Variants in ASB11 observed in about 807,000 individuals in gnomAD.
ASB11 encodes ankyrin repeat and SOCS box containing 11.
ASB11 carries 17 observed loss-of-function variants against 20.1 expected under a neutral mutation model. That is an observed-to-expected ratio of 0.85 (90% CI 0.58 to 1.27). The LOEUF (loss-of-function observed/expected upper bound fraction) is 1.27. Ranked by LOEUF, ASB11 falls within the 50% of genes most tolerant of loss-of-function variation. The probability of loss-of-function intolerance (pLI) is 0.00; values close to 1 mark genes in which losing one functional copy is unlikely to be tolerated. For synonymous variants in ASB11, 107 were observed against 105.6 expected (o/e 1.01, Z -0.08); for missense variants, 259 against 256.9 (o/e 1.01, Z -0.06).
chrX:15,302,156 A>G (rs1921087470), intron 2 of ASB11, among the ~76,000 whole-genome samples: 1 of 111,490 alleles, frequency 9.0e-6, no homozygotes, highest in African/African-American at 3.3e-5. Flanking sequence ...CAAGGAATTG[A>G]GGTTTCCCAA....
intron 4 of ASB11, 126 bp downstream of exon 4, chrX:15,293,044 G>T: frequency 1.1e-6 from 1 of 891,452 alleles, no homozygotes; most frequent in Non-Finnish European, 1.5e-6. Context: ...GGGATTTCTA[G>T]GCCACACATA....
chrX:15,312,974 G>A (rs1921485417), intron 1 of ASB11, among the ~76,000 whole-genome samples: 2 of 111,970 alleles, frequency 1.8e-5, no homozygotes, highest in Admixed American at 9.5e-5. Flanking sequence ...TATTTTTTAA[G>A]TATTTTGTGG....
chrX:15,296,017 G>A (rs773121309), intron 3 of ASB11, among the ~76,000 whole-genome samples: 2 of 112,266 alleles, frequency 1.8e-5, no homozygotes, highest in Admixed American at 9.4e-5. Context: ...CAAGGCGGGC[G>A]GATCACCTGA....
At chrX:15,284,080 G>C (rs34551144) in intron 6 of ASB11, among the ~76,000 whole-genome samples, 4 of 104,280 alleles carry the variant, frequency 3.8e-5, no homozygotes, top group Non-Finnish European at 5.8e-5. Context: ...GTGAAACCCC[G>C]TGTCCACTAA....
chrX:15,305,593 A>AGATT (rs1555941490), intron 1 of ASB11, among the ~76,000 whole-genome samples: 1 of 86,651 alleles, frequency 1.2e-5, no homozygotes, highest in Non-Finnish European at 2.3e-5. Context: ...AAGAAAAAAA[A>AGATT]AGATTAGATA....
Position 15,283,635 on chromosome X carries a change from A to T in ASB11, c.848-6T>A. 1 of 1,206,254 alleles carries T rather than the reference A, an allele frequency of 8.3e-7. No individual in the cohort carries two copies. The highest frequency in any genetic ancestry group is 1.1e-6 in the Non-Finnish European group (1 of 891,968). On this transcript the variant is annotated splice_region_variant and splice_polypyrimidine_tract_variant and intron_variant, in intron 6 of 6. Coordinates refer to ENST00000480796, the MANE Select transcript of ASB11 (RefSeq NM_080873.3). Reference sequence around the variant, plus strand: ...CTGGGAAAGAGCAGGTGGGCCTGAGAGAGAAATAAAAATGGTGTTAACTTC... The same window carrying T: ...CTGGGAAAGAGCAGGTGGGCCTGAGTGAGAAATAAAAATGGTGTTAACTTC...
chrX:15,293,045 G>A, intron 4 of ASB11, 125 bp downstream of exon 4: 1 of 894,478 alleles, frequency 1.1e-6, no homozygotes, highest in Non-Finnish European at 1.5e-6. Flanking sequence ...GGATTTCTAG[G>A]CCACACATAT....
intron 3 of ASB11, among the ~76,000 whole-genome samples, chrX:15,293,693 T>G (rs926953992): frequency 4.5e-5 from 5 of 111,834 alleles, no homozygotes; most frequent in African/African-American, 1.6e-4. Context: ...ACTGTCTTTC[T>G]TGCCACAACT....
intron 1 of ASB11, among the ~76,000 whole-genome samples, chrX:15,309,198 T>G (rs1411138395): frequency 9.0e-6 from 1 of 111,239 alleles, no homozygotes; most frequent in African/African-American, 3.3e-5. Context: ...ATTACAGGCA[T>G]GAGCCACTGT....
intron 3 of ASB11, among the ~76,000 whole-genome samples, chrX:15,295,159 T>C (rs766079138): frequency 1.9e-4 from 21 of 111,090 alleles, no homozygotes; most frequent in African/African-American, 6.6e-4. Flanking sequence ...TCTGCTGCCT[T>C]AGGCTCCCAA....
intron 1 of ASB11, among the ~76,000 whole-genome samples, chrX:15,312,820 C>G (rs183836445): frequency 1.1e-5 from 1 of 91,302 alleles, no homozygotes; most frequent in Non-Finnish European, 2.2e-5. Flanking sequence ...AAATTTTGTT[C>G]TTGATTTTTA....
chrX:15,300,879 G>A (rs2147697123), intron 2 of ASB11, among the ~76,000 whole-genome samples: 1 of 112,005 alleles, frequency 8.9e-6, no homozygotes, highest in East Asian at 2.8e-4. Flanking sequence ...TGAGGTGGGA[G>A]ACTGAGAGAG....
At chrX:15,284,074 A>C (rs1227503953) in intron 6 of ASB11, among the ~76,000 whole-genome samples, 1 of 106,027 alleles carries the variant, frequency 9.4e-6, no homozygotes, top group Non-Finnish European at 1.9e-5. Flanking sequence ...AACACGGTGA[A>C]ACCCCGTGTC....
intron 1 of ASB11, among the ~76,000 whole-genome samples, chrX:15,306,682 G>A (rs1480832980): frequency 9.1e-6 from 1 of 110,389 alleles, no homozygotes; most frequent in Non-Finnish European, 1.9e-5. Flanking sequence ...CAGCTTGGGT[G>A]ACACAGTGAC....
At chrX:15,314,352 T>C in intron 1 of ASB11, 1 of 1,075,633 alleles carries the variant, frequency 9.3e-7, no homozygotes, top group South Asian at 2.9e-5. Context: ...TTTTTGTAAC[T>C]AGTCAAAGTA....
At chrX:15,314,749 T>C (rs751361645) in intron 1 of ASB11, among the ~76,000 whole-genome samples, 2 of 110,080 alleles carry the variant, frequency 1.8e-5, no homozygotes, top group African/African-American at 6.6e-5. Context: ...CAGGGATATC[T>C]GACTCATTTA....
chrX:15,301,202 A>G (rs1442174514), intron 2 of ASB11, among the ~76,000 whole-genome samples: 1 of 110,510 alleles, frequency 9.0e-6, no homozygotes, highest in Non-Finnish European at 1.9e-5. Flanking sequence ...ACCTCAGGTG[A>G]TCCACCCACC....
chrX:15,303,560 A>C (rs1294311845), intron 1 of ASB11, among the ~76,000 whole-genome samples: 2 of 111,355 alleles, frequency 1.8e-5, no homozygotes, highest in Admixed American at 1.9e-4. Context: ...TTTTTCAGAC[A>C]ATTTAATCTC....
intron 6 of ASB11, among the ~76,000 whole-genome samples, chrX:15,284,033 A>G (rs1363822776): frequency 2.8e-5 from 3 of 109,052 alleles, no homozygotes; most frequent in African/African-American, 1.0e-4. Flanking sequence ...TGGGCGGATC[A>G]CGAGGTCAGG....
Sources: allele counts gnomAD v4.1 joint callset (sites outside exome capture counted in the v4.1 genomes callset), GRCh38; gene constraint gnomAD v4.1.1; transcripts MANE v1.5; gene names NCBI Gene and HGNC (gene_info 2026-07-23, HGNC 2026-07-21).